The following CYRIB variants were observed in gnomAD, a reference collection of about 807,000 sequenced individuals.
CYRIB encodes CYFIP-related Rac1 interactor B.
A neutral mutation model predicts 44.2 loss-of-function variants in CYRIB; 8 were observed. That is an observed-to-expected ratio of 0.18 (90% CI 0.11 to 0.33). CYRIB has a LOEUF of 0.33. Among genes scored for constraint, CYRIB ranks in the 10% least tolerant of loss-of-function variants. The probability of loss-of-function intolerance (pLI) is 1.00; values close to 1 mark genes in which losing one functional copy is unlikely to be tolerated. For synonymous variants in CYRIB, 131 were observed against 127.2 expected (o/e 1.03, Z -0.20); for missense variants, 185 against 382.8 (o/e 0.48, Z 4.31).
exon 9 of CYRIB, chr8:129,850,895 T>A (rs1215994567): frequency 6.2e-7 from 1 of 1,610,470 alleles, no homozygotes; most frequent in Non-Finnish European, 8.5e-7. Context: ...TGTGGTATTT[T>A]CTATTGGTAA....
At chr8:129,894,925 A>AT (rs1165337468) in intron 2 of CYRIB, among the ~76,000 whole-genome samples, 6 of 148,592 alleles carry the variant, frequency 4.0e-5, no homozygotes, top group African/African-American at 1.2e-4. Flanking sequence ...ATATATATAT[A>AT]TATATTTTTT....
chr8:129,947,650 G>C (rs1030786602), intron 2 of CYRIB, among the ~76,000 whole-genome samples: 3 of 152,102 alleles, frequency 2.0e-5, no homozygotes, highest in Non-Finnish European at 4.4e-5. Context: ...AAAAAAATTT[G>C]AAAATACATA....
chr8:129,911,657 C>T (rs751851412), intron 1 of CYRIB, among the ~76,000 whole-genome samples: 3 of 151,352 alleles, frequency 2.0e-5, no homozygotes, highest in Non-Finnish European at 4.4e-5. Flanking sequence ...AAAATTAGCC[C>T]GACTGTGGTG....
In CYRIB at chr8:129,866,397, A is replaced by G. The variant is rs112250778; in HGVS notation, c.196-4063T>C. Among the ~76,000 whole-genome samples, 557 of 152,200 alleles carry G rather than the reference A, an allele frequency of 3.7e-3. 6 individuals carry two copies. The highest frequency in any genetic ancestry group is 0.013 in the African/African-American group (525 of 41,530). ...GTTTCTATGGACTAATTTTTCTCCT[A>G]TCTTCTCTATGGGATTCAAAAGGCT... On this transcript the variant is annotated intron_variant, in intron 4 of 11. Transcript: ENST00000519824.
At chr8:129,919,216 T>C (rs1388940228) in intron 1 of CYRIB, among the ~76,000 whole-genome samples, 4 of 152,162 alleles carry the variant, frequency 2.6e-5, no homozygotes, top group African/African-American at 9.7e-5. Flanking sequence ...GTTGCACCAA[T>C]AGGCATAGAT....
intron 6 of CYRIB, among the ~76,000 whole-genome samples, chr8:129,854,627 C>A (rs1330618486): frequency 6.6e-6 from 1 of 152,146 alleles, no homozygotes; most frequent in Non-Finnish European, 1.5e-5. Flanking sequence ...ACAAAAAGGA[C>A]TGTTTAGGCA....
chr8:129,867,027 G>A (rs770939359), intron 4 of CYRIB, among the ~76,000 whole-genome samples: 6 of 152,196 alleles, frequency 3.9e-5, no homozygotes, highest in Admixed American at 2.0e-4. Context: ...ACTGGCTCAC[G>A]CCTGTAATCC....
chr8:129,849,544 C>G, intron 9 of CYRIB, 175 bp from the exon 12 acceptor site: 1 of 556,574 alleles, frequency 1.8e-6, no homozygotes, highest in Non-Finnish European at 2.9e-6. Context: ...TGTCTGTTTT[C>G]CTTTCCAAAT....
chr8:129,967,434 C>T (rs1320693626), intron 2 of CYRIB, among the ~76,000 whole-genome samples: 2 of 150,898 alleles, frequency 1.3e-5, no homozygotes, highest in African/African-American at 4.9e-5. Flanking sequence ...GGCTGGAGTG[C>T]AGTGGCGCGA....
intron 1 of CYRIB, among the ~76,000 whole-genome samples, chr8:129,907,166 C>T (rs1287471660): frequency 6.6e-6 from 1 of 152,182 alleles, no homozygotes; most frequent in Non-Finnish European, 1.5e-5. Flanking sequence ...TTTATTGTGG[C>T]ACTATTCACA....
chr8:129,876,845 T>G (rs768390087), intron 3 of CYRIB, among the ~76,000 whole-genome samples: 2 of 152,186 alleles, frequency 1.3e-5, no homozygotes, highest in African/African-American at 2.4e-5. Flanking sequence ...TCTGGTGACA[T>G]GAATATTAAA....
chr8:129,867,971 A>G (rs1221198645), intron 4 of CYRIB, among the ~76,000 whole-genome samples: 1 of 152,232 alleles, frequency 6.6e-6, no homozygotes. Context: ...TTTCTTCACA[A>G]ACCAACCAAA....
intron 4 of CYRIB, 37 bp downstream of exon 6, chr8:129,871,338 G>A (rs759146639): frequency 6.3e-7 from 1 of 1,582,094 alleles, no homozygotes; most frequent in Admixed American, 1.9e-5. Flanking sequence ...GGGACAGTAA[G>A]TTTCAGTTAA....
At chr8:129,955,969 A>T (rs1564396622) in intron 2 of CYRIB, among the ~76,000 whole-genome samples, 1 of 152,196 alleles carries the variant, frequency 6.6e-6, no homozygotes, top group African/African-American at 2.4e-5. Flanking sequence ...CCTAAATCTC[A>T]GCCCTAAGGA....
rs535205364 is a variant in CYRIB at position 129,985,456 on chromosome 8, T to C, written c.-295-14461A>G. Reference sequence around the variant, plus strand: ...ACCCACTGCCTCTCGCTTGCCCAAATTCCTCTTGGGTGCCTGGTCCACCCT... The same window carrying C: ...ACCCACTGCCTCTCGCTTGCCCAAACTCCTCTTGGGTGCCTGGTCCACCCT... On this transcript the variant is annotated intron_variant, in intron 1 of 14. Coordinates refer to the CYRIB transcript ENST00000401979. Among the ~76,000 whole-genome samples, 12 of 152,286 alleles carry C rather than the reference T, an allele frequency of 7.9e-5. No individual in the cohort carries two copies. The South Asian group carries it at 2.5e-3, about 32-fold the overall frequency.
intron 1 of CYRIB, among the ~76,000 whole-genome samples, chr8:130,008,119 G>A (rs1229977432): frequency 1.3e-5 from 2 of 152,114 alleles, no homozygotes; most frequent in Non-Finnish European, 2.9e-5. Flanking sequence ...TGAGGCAGGA[G>A]AATTGCTTGA....
chr8:130,011,555 C>G (rs1358196533), intron 1 of CYRIB, among the ~76,000 whole-genome samples: 1 of 149,632 alleles, frequency 6.7e-6, no homozygotes, highest in Non-Finnish European at 1.5e-5. Context: ...TGGTGGCTCA[C>G]GCCTGTAATC....
chr8:129,981,962 A>C (rs148512854), intron 1 of CYRIB, among the ~76,000 whole-genome samples: 1,554 of 152,328 alleles, frequency 0.01, 31 homozygotes, highest in African/African-American at 0.036. Flanking sequence ...CGCTGGACTG[A>C]GAGTAACTCG....
exon 1 of CYRIB, chr8:130,016,373 G>A (rs1190060037): frequency 6.7e-6 from 1 of 148,658 alleles, no homozygotes; most frequent in Non-Finnish European, 1.5e-5. Context: ...CACGTACCTG[G>A]CGGCCCGGGC....
Sources: allele counts gnomAD v4.1 joint callset (sites outside exome capture counted in the v4.1 genomes callset), GRCh38; gene constraint gnomAD v4.1.1; transcripts MANE v1.5; gene names NCBI Gene and HGNC (gene_info 2026-07-23, HGNC 2026-07-21).